Variants in MAL2 observed in about 807,000 individuals in gnomAD.
MAL2 encodes the protein protein MAL2.
A neutral mutation model predicts 18.1 loss-of-function variants in MAL2; 17 were observed. That is an observed-to-expected ratio of 0.94 (90% CI 0.64 to 1.41). MAL2 has a LOEUF of 1.41. MAL2 is among the 40% of genes most tolerant of loss of function. The pLI is 0.00. For synonymous variants in MAL2, 102 were observed against 102.3 expected, an observed-to-expected ratio of 1.00 and a Z score of 0.02; for missense variants, 222 against 231.9, an observed-to-expected ratio of 0.96 and a Z score of 0.28.
At chr8:119,227,947 A>G (rs1240851087) in intron 2 of MAL2, among the ~76,000 whole-genome samples, 1 of 152,088 alleles carries the variant, frequency 6.6e-6, no homozygotes, top group African/African-American at 2.4e-5. Flanking sequence ...CATTCCTGAG[A>G]GAGTCAGGGC....
At position 119,240,269 on chromosome 8, in the gene MAL2, C is replaced by T. The variant is rs371103386; in HGVS notation, c.408C>T (p.Thr136=). 9.4e-5 allele frequency: 152 copies of T among 1,613,630 alleles called. No homozygotes were observed. In the African/African-American group the frequency reaches 1.5e-3, roughly 16 times the overall value. ...LHDLHCNTTI[T]GQPLLSDNQY... ...ATTTGCATTGCAATACAACCATAAC[C>T]GGGCAGCCACTCCTGAGTGATAACC... The change falls in exon 3 of 4, where the codon ACC becomes ACT. Residue 136 remains threonine (T), a synonymous_variant. Transcript: ENST00000614891.
intron 2 of MAL2, among the ~76,000 whole-genome samples, chr8:119,226,489 T>C (rs1159751777): frequency 9.0e-6 from 1 of 110,850 alleles, no homozygotes; most frequent in Non-Finnish European, 1.7e-5. Context: ...ATGTGAGATA[T>C]AGTCACTTGC....
intron 2 of MAL2, among the ~76,000 whole-genome samples, chr8:119,233,331 C>A (rs1304763647): frequency 2.0e-5 from 3 of 152,034 alleles, no homozygotes; most frequent in Admixed American, 6.6e-5. Flanking sequence ...AAAATCAGAG[C>A]AGAACTGAAG....
intron 1 of MAL2, among the ~76,000 whole-genome samples, chr8:119,218,449 C>CCT (rs1380915736): frequency 1.3e-5 from 2 of 152,074 alleles, no homozygotes; most frequent in East Asian, 3.9e-4. Flanking sequence ...CTGAAGCCTG[C>CCT]CTCCCCTGCC....
chr8:119,220,719 C>T (rs1161578239), intron 1 of MAL2, among the ~76,000 whole-genome samples: 1 of 152,204 alleles, frequency 6.6e-6, no homozygotes, highest in Non-Finnish European at 1.5e-5. Context: ...CCCTTTCCTC[C>T]CTCTGCTTTA....
chr8:119,235,416 G>C (rs1403667881), intron 2 of MAL2, among the ~76,000 whole-genome samples: 1 of 152,058 alleles, frequency 6.6e-6, no homozygotes, highest in African/African-American at 2.4e-5. Context: ...TAGCAAGGCA[G>C]GCCAACATTC....
At chr8:119,237,840 T>C (rs1323974237) in intron 2 of MAL2, among the ~76,000 whole-genome samples, 1 of 152,086 alleles carries the variant, frequency 6.6e-6, no homozygotes, top group East Asian at 1.9e-4. Context: ...TCATACTGAA[T>C]GGGCAAAAAC....
In MAL2 at chr8:119,219,831, T is replaced by G. The variant is rs186615689; in HGVS notation, c.133-1756T>G. Among the ~76,000 whole-genome samples the G allele has an allele frequency of 6.5e-3, 987 of 151,512 alleles. 11 individuals are homozygous for G. Among genetic ancestry groups the G allele is most frequent in the African/African-American group, 0.023 (934 of 41,478 alleles). ...ATGTAACAAAGCCCAGTAGGGAGGT[T>G]GCCCAGAGGAGGGAGGCATAACTGA... On this transcript the variant is annotated intron_variant, in intron 1 of 3. Coordinates refer to ENST00000614891, the MANE Select transcript of MAL2 (RefSeq NM_052886.3).
intron 2 of MAL2, among the ~76,000 whole-genome samples, chr8:119,239,359 C>G (rs1817993901): frequency 1.3e-5 from 2 of 151,856 alleles, no homozygotes; most frequent in African/African-American, 4.9e-5. Context: ...TTGTGGAAGT[C>G]AGTGTGGCGA....
chr8:119,226,595 G>T (rs1817600827), intron 2 of MAL2, among the ~76,000 whole-genome samples: 1 of 151,990 alleles, frequency 6.6e-6, no homozygotes, highest in Non-Finnish European at 1.5e-5. Flanking sequence ...TGTGAGCATT[G>T]ATAAGATGGG....
Position 119,245,586 on chromosome 8 carries a change from T to G in MAL2, c.*2098T>G, listed in dbSNP as rs578098109. 14 of 152,648 alleles carry G rather than the reference T, an allele frequency of 9.2e-5. 1 individual carries two copies. The highest frequency in any genetic ancestry group is 4.6e-4 in the Admixed American group (7 of 15,288). The allele number at this position is 152,648 out of a possible 1,614,324, so 9.5% of individuals were successfully genotyped here. ...TCTTAGCTGTAAAAATGAGAAAGTG[T>G]TGGTTGGTTTTAAAATCTGGTAACT... On this transcript the variant is annotated 3_prime_UTR_variant, in exon 4 of 4. Coordinates refer to ENST00000614891, the MANE Select transcript of MAL2 (RefSeq NM_052886.3).
At chr8:119,214,396 A>G (rs1365152645) in intron 1 of MAL2, among the ~76,000 whole-genome samples, 1 of 152,204 alleles carries the variant, frequency 6.6e-6, no homozygotes, top group East Asian at 1.9e-4. Flanking sequence ...ATATCCTTTT[A>G]TAGACAACAT....
intron 3 of MAL2, 25 bp from the exon 4 acceptor site, chr8:119,243,392 T>G (rs1236476237): frequency 6.4e-7 from 1 of 1,551,226 alleles, no homozygotes; most frequent in African/African-American, 1.4e-5. Flanking sequence ...AAATCTGATG[T>G]GAATTTTTGT....
intron 1 of MAL2, chr8:119,221,329 G>A: frequency 2.5e-6 from 1 of 403,710 alleles, no homozygotes; most frequent in Non-Finnish European, 4.5e-6. Context: ...CATGTACATG[G>A]GTTGAAGAAG....
At chr8:119,242,240 C>G (rs1818062537) in intron 3 of MAL2, among the ~76,000 whole-genome samples, 1 of 152,112 alleles carries the variant, frequency 6.6e-6, no homozygotes, top group Non-Finnish European at 1.5e-5. Context: ...AATTTGTCAC[C>G]TTTGTCCTAA....
At position 119,223,782 on chromosome 8, in the gene MAL2, T is replaced by G. The variant is rs1047260111; in HGVS notation, c.303+2025T>G. ...CTATTTCGAAAGGGCTTCTCTTTTT[T>G]TCTTCTTTTGTGTGTGGGTCTTTTT... On this transcript the variant is annotated intron_variant, in intron 2 of 3. Transcript: ENST00000614891. 3.3e-5 allele frequency: 5 copies of G among 152,204 alleles called. No individual in the cohort carries two copies. The East Asian group carries it at 9.6e-4, about 29-fold the overall frequency. 9.4% of individuals were successfully genotyped at this position (152,204 alleles called of 1,614,324 possible).
intron 1 of MAL2, among the ~76,000 whole-genome samples, chr8:119,220,049 A>G (rs117022195): frequency 1.8e-3 from 269 of 152,282 alleles, no homozygotes; most frequent in Non-Finnish European, 2.7e-3. Flanking sequence ...TGAGGGGCAT[A>G]GTGGCAAGAG....
intron 3 of MAL2, among the ~76,000 whole-genome samples, chr8:119,241,510 G>C (rs1818047996): frequency 6.6e-6 from 1 of 152,112 alleles, no homozygotes. Context: ...AAGATAACTA[G>C]TATGACTAAG....
intron 1 of MAL2, among the ~76,000 whole-genome samples, chr8:119,217,704 G>A (rs1817380511): frequency 1.3e-5 from 2 of 152,144 alleles, no homozygotes; most frequent in Admixed American, 6.5e-5. Context: ...TTCACAGTGT[G>A]TACTCTGCAG....
Sources: allele counts gnomAD v4.1 joint callset (sites outside exome capture counted in the v4.1 genomes callset), GRCh38; gene constraint gnomAD v4.1.1; transcripts MANE v1.5; gene names NCBI Gene and HGNC (gene_info 2026-07-23, HGNC 2026-07-21).